Variants in PRKAR1A observed in about 807,000 individuals in gnomAD.
The protein encoded by PRKAR1A is protein kinase cAMP-dependent type I regulatory subunit alpha.
A neutral mutation model predicts 52.0 loss-of-function variants in PRKAR1A; 3 were observed. The observed-to-expected ratio is 0.06, with a 90% confidence interval of 0.03 to 0.15. The LOEUF (loss-of-function observed/expected upper bound fraction) is 0.15, where lower values mean the gene tolerates loss of function less well. PRKAR1A is among the 10% of genes least tolerant of loss of function. The pLI is 1.00. For synonymous variants in PRKAR1A, 188 were observed against 168.4 expected, an observed-to-expected ratio of 1.12 and a Z score of -0.90; for missense variants, 240 against 477.4, an observed-to-expected ratio of 0.50 and a Z score of 4.63.
At chr17:68,480,204 C>T in the PRKAR1A span, among the ~76,000 whole-genome samples, 4 of 152,004 alleles carry the variant, frequency 2.6e-5, no homozygotes, top group African/African-American at 9.7e-5. Context: ...TTAATGTCTT[C>T]GATTATGTAA....
the PRKAR1A span, among the ~76,000 whole-genome samples, chr17:68,493,106 G>T: frequency 7.9e-6 from 1 of 125,820 alleles, no homozygotes; most frequent in Non-Finnish European, 1.7e-5. Flanking sequence ...TGGTGGGGGG[G>T]AATAACACAC....
chr17:68,529,606 A>C (rs2085903132), intron 9 of PRKAR1A, among the ~76,000 whole-genome samples: 1 of 152,238 alleles, frequency 6.6e-6, no homozygotes, highest in African/African-American at 2.4e-5. Flanking sequence ...CACAAATAAT[A>C]TGTAAATGAA....
rs1217018220 is a variant in PRKAR1A at position 68,525,712 on chromosome 17, G to A, written c.550-42G>A. On this transcript the variant is annotated intron_variant, in intron 6 of 10. Transcript: ENST00000589228. ...GAGGGTTTTTAACATTTAAGTGTTT[G>A]TATCTAGAAAATAAACTTTTTTGAT... The A allele has an allele frequency of 3.1e-6, 5 of 1,600,626 alleles. No individual in the cohort carries two copies. The South Asian group carries it at 4.4e-5, about 14-fold the overall frequency.
the PRKAR1A span, among the ~76,000 whole-genome samples, chr17:68,453,363 C>T: frequency 6.6e-6 from 1 of 152,112 alleles, no homozygotes; most frequent in Non-Finnish European, 1.5e-5. Context: ...TCCAACACAA[C>T]GAGGGGGCCT....
the PRKAR1A span, among the ~76,000 whole-genome samples, chr17:68,471,821 G>A: frequency 2.0e-5 from 3 of 151,486 alleles, no homozygotes; most frequent in East Asian, 3.9e-4. Flanking sequence ...TTTTTTTTTA[G>A]ACAGAGTCTT....
In PRKAR1A at chr17:68,519,905, A is replaced by G. The variant is rs185078730; in HGVS notation, c.178-2851A>G. ...ATGTGATTTTCAGCATTTTATAGAC[A>G]TAGCAGTAAAACTGAGAGAAATTAA... On this transcript the variant is annotated intron_variant, in intron 2 of 10. Coordinates refer to ENST00000589228, the MANE Select transcript of PRKAR1A (RefSeq NM_002734.5). Among the ~76,000 whole-genome samples the G allele has an allele frequency of 2.0e-3, 298 of 152,338 alleles. 1 individual carries two copies. The highest frequency in any genetic ancestry group is 2.7e-3 in the Non-Finnish European group (181 of 68,034).
chr17:68,510,162 A>AGAGAGAGAGAGAG (rs1438857112), upstream of PRKAR1A, among the ~76,000 whole-genome samples: 2 of 109,262 alleles, frequency 1.8e-5, no homozygotes, highest in African/African-American at 7.2e-5. Context: ...ATGTAGACAG[A>AGAGAGAGAGAGAG]GAGAGAGAGA....
At chr17:68,484,384 A>G in the PRKAR1A span, among the ~76,000 whole-genome samples, 3 of 152,016 alleles carry the variant, frequency 2.0e-5, no homozygotes, top group Non-Finnish European at 4.4e-5. Flanking sequence ...CATTGTTAGT[A>G]GATAGAAATT....
At chr17:68,541,730 G>A (rs988955034) in intron 11 of PRKAR1A, 4 of 420,642 alleles carry the variant, frequency 9.5e-6, no homozygotes, top group African/African-American at 7.9e-5. Context: ...GCTTCTCAAG[G>A]AGAGAGTCTG....
intron 11 of PRKAR1A, chr17:68,539,783 G>A (rs925437123): frequency 5.7e-6 from 6 of 1,048,006 alleles, no homozygotes; most frequent in Non-Finnish European, 8.8e-6. Flanking sequence ...ACGTGGTGGT[G>A]GAGGCCCTCA....
chr17:68,549,708 C>T (rs1310760092), intron 11 of PRKAR1A, among the ~76,000 whole-genome samples: 2 of 152,142 alleles, frequency 1.3e-5, no homozygotes, highest in Non-Finnish European at 2.9e-5. Context: ...ATGTGCTCGA[C>T]TAACTGTAAC....
At chr17:68,528,638 A>G (rs1399667813) in intron 8 of PRKAR1A, 1 of 570,034 alleles carries the variant, frequency 1.8e-6, no homozygotes, top group Non-Finnish European at 3.1e-6. Flanking sequence ...CAGTTGGTAT[A>G]AATTAACCTA....
chr17:68,500,438 T>C, the PRKAR1A span, among the ~76,000 whole-genome samples: 1 of 152,208 alleles, frequency 6.6e-6, no homozygotes, highest in African/African-American at 2.4e-5. Context: ...GCCATGATTG[T>C]GAGGCCTCCC....
At chr17:68,513,378 TACTC>T (rs1352432982) in intron 1 of PRKAR1A, 2 of 152,362 alleles carry the variant, frequency 1.3e-5, no homozygotes, top group Admixed American at 6.5e-5. Flanking sequence ...AGCAAACACT[TACTC>T]AAGATGACCC....
At chr17:68,548,933 C>T (rs959273212) in intron 11 of PRKAR1A, among the ~76,000 whole-genome samples, 1 of 151,640 alleles carries the variant, frequency 6.6e-6, no homozygotes, top group African/African-American at 2.4e-5. Context: ...GGGGTTTCAC[C>T]GTGTTAGCCA....
chr17:68,472,081 G>A, the PRKAR1A span, among the ~76,000 whole-genome samples: 1 of 152,200 alleles, frequency 6.6e-6, no homozygotes, highest in Non-Finnish European at 1.5e-5. Context: ...TGGTATGACA[G>A]GCCTGAGCCA....
chr17:68,518,472 G>A (rs2085499985), intron 2 of PRKAR1A, among the ~76,000 whole-genome samples: 1 of 152,250 alleles, frequency 6.6e-6, no homozygotes, highest in African/African-American at 2.4e-5. Context: ...CCACTTGTAA[G>A]CCACCAGGGC....
chr17:68,442,858 G>C, the PRKAR1A span, among the ~76,000 whole-genome samples: 1 of 152,176 alleles, frequency 6.6e-6, no homozygotes, highest in Non-Finnish European at 1.5e-5. Context: ...AAGGGAACTC[G>C]TGACAACTAG....
At chr17:68,540,901 G>A (rs760324379) in intron 11 of PRKAR1A, 1 of 1,605,014 alleles carries the variant, frequency 6.2e-7, no homozygotes, top group South Asian at 1.1e-5. Context: ...GCCGCTGGCT[G>A]TTGTTGTACG....
Sources: gnomAD v4.1 joint callset for allele counts (sites outside exome capture counted in the v4.1 genomes callset) on GRCh38, gnomAD v4.1.1 for gene constraint, MANE v1.5 for transcripts, NCBI Gene and HGNC (gene_info 2026-07-23, HGNC 2026-07-21) for gene names.